PACC1: variants seen among roughly 807,000 people sequenced by gnomAD.
PACC1 encodes proton activated chloride channel 1, also known as proton-activated chloride channel.
In PACC1, 34 loss-of-function variants were observed where a neutral mutation model predicts 39.7. That is an observed-to-expected ratio of 0.86 (90% CI 0.65 to 1.14). The LOEUF (loss-of-function observed/expected upper bound fraction) is 1.14. Among genes scored for constraint, PACC1 ranks in the 50% most tolerant of loss-of-function variants. The pLI is 0.00. For synonymous variants in PACC1, 127 were observed against 160.6 expected, an observed-to-expected ratio of 0.79 and a Z score of 1.58; for missense variants, 379 against 436.4, an observed-to-expected ratio of 0.87 and a Z score of 1.17.
At chr1:212,394,219 C>T (rs1018577836) in intron 2 of PACC1, among the ~76,000 whole-genome samples, 1 of 152,196 alleles carries the variant, frequency 6.6e-6, no homozygotes, top group Non-Finnish European at 1.5e-5. Context: ...TCCAGCAGCA[C>T]ATCAAAAAGC....
At chr1:212,406,621 T>C (rs1558182999) in intron 2 of PACC1, among the ~76,000 whole-genome samples, 1 of 152,178 alleles carries the variant, frequency 6.6e-6, no homozygotes, top group Non-Finnish European at 1.5e-5. Flanking sequence ...ACTCCTGAGA[T>C]CTGAATCTTC....
At chr1:212,388,054 CAA>C (rs57874166) in intron 2 of PACC1, among the ~76,000 whole-genome samples, 12 of 100,540 alleles carry the variant, frequency 1.2e-4, no homozygotes, top group Non-Finnish European at 1.3e-4. Flanking sequence ...AACTCCATCT[CAA>C]AAAAAAAAAA....
At chr1:212,410,577 C>A in intron 1 of PACC1, 56 bp from the exon 2 acceptor site, 1 of 1,480,790 alleles carries the variant, frequency 6.8e-7, no homozygotes, top group Non-Finnish European at 9.4e-7. Context: ...CCTTGCTTTT[C>A]TACACTAGAA....
At chr1:212,385,524 C>A (rs1661070329) in intron 3 of PACC1, 99 bp from the exon 4 acceptor site, 3 of 1,297,344 alleles carry the variant, frequency 2.3e-6, no homozygotes, top group East Asian at 2.4e-5. Flanking sequence ...TTCTGGACTC[C>A]CTGGAGGACT....
At chr1:212,376,986 G>C (rs1193389252) in intron 6 of PACC1, 1 of 152,168 alleles carries the variant, frequency 6.6e-6, no homozygotes, top group Non-Finnish European at 1.5e-5. Context: ...ATAACACTAA[G>C]ACAATAATAG....
At position 212,372,908 on chromosome 1, in the gene PACC1, G is replaced by A. The variant is rs556821236; in HGVS notation, c.891+2285C>T. Among the ~76,000 whole-genome samples the A allele has an allele frequency of 1.4e-4, 22 of 152,196 alleles. No individual in the cohort carries two copies. In the South Asian group the frequency reaches 4.6e-3, roughly 32 times the overall value. Reference sequence around the variant, plus strand: ...ATATCCTATGGTTCATGGATTGGAAGAACTAGCATAATGTCCACACTACCC... The same window carrying A: ...ATATCCTATGGTTCATGGATTGGAAAAACTAGCATAATGTCCACACTACCC... On this transcript the variant is annotated intron_variant, in intron 7 of 7. Coordinates refer to ENST00000261455, the MANE Select transcript of PACC1 (RefSeq NM_018252.3).
intron 7 of PACC1, among the ~76,000 whole-genome samples, chr1:212,371,015 A>C (rs1056831197): frequency 1.3e-5 from 2 of 152,168 alleles, no homozygotes; most frequent in East Asian, 3.8e-4. Context: ...TGGGAGGCTG[A>C]GGCCGGCAGA....
intron 4 of PACC1, among the ~76,000 whole-genome samples, chr1:212,381,001 AAG>A (rs1452094442): frequency 6.6e-6 from 1 of 152,254 alleles, no homozygotes; most frequent in Non-Finnish European, 1.5e-5. Flanking sequence ...AGATTTGAAA[AAG>A]AGTGAGTACA....
intron 4 of PACC1, among the ~76,000 whole-genome samples, chr1:212,381,188 G>A (rs1660865758): frequency 6.6e-6 from 1 of 152,086 alleles, no homozygotes; most frequent in Non-Finnish European, 1.5e-5. Context: ...TACTTCTAAC[G>A]GGTTTTGCTT....
intron 1 of PACC1, among the ~76,000 whole-genome samples, chr1:212,412,980 A>G (rs1662191425): frequency 6.6e-6 from 1 of 152,232 alleles, no homozygotes; most frequent in Admixed American, 6.5e-5. Context: ...TGACTCAATA[A>G]AAGTCACACA....
In PACC1 at chr1:212,377,777, G is replaced by GC. The variant is rs368756540; in HGVS notation, c.639-72dup. ...GGCAGCAGGAGTCGAAGCCCCCACT[G>GC]CAAGCTGGTTTCTTTGCTGGCACAA... On this transcript the variant is annotated intron_variant, in intron 5 of 7. Coordinates refer to ENST00000261455, the MANE Select transcript of PACC1 (RefSeq NM_018252.3). 3.0e-5 allele frequency: 46 copies of GC among 1,559,174 alleles called. No individual in the cohort carries two copies. In the East Asian group the frequency reaches 1.0e-3, roughly 35 times the overall value.
Position 212,386,452 on chromosome 1 carries a change from C to T in PACC1, c.343+439G>A, listed in dbSNP as rs1239712974. On this transcript the variant is annotated intron_variant, in intron 3 of 7. Transcript: ENST00000261455. The surrounding 1 kb of genome is among the most constrained non-coding windows in gnomAD (Gnocchi z 5.0). ...GGCCTCGCCTCCCCTGCCATCCTCCCCACCCCACAGTCCAGCCTTGACTCC... is the reference window on the plus strand; with the variant it reads ...GGCCTCGCCTCCCCTGCCATCCTCCTCACCCCACAGTCCAGCCTTGACTCC... 6.6e-6 allele frequency among the ~76,000 whole-genome samples: 1 copy of T among 152,086 alleles called. No homozygotes were observed. The highest frequency in any genetic ancestry group is 1.5e-5 in the Non-Finnish European group (1 of 67,986).
chr1:212,384,108 T>C (rs1333464154), intron 4 of PACC1, among the ~76,000 whole-genome samples: 3 of 152,184 alleles, frequency 2.0e-5, no homozygotes, highest in Non-Finnish European at 4.4e-5. Flanking sequence ...TGCTCTAATT[T>C]GTTTGCTCCA....
At position 212,386,589 on chromosome 1, in the gene PACC1, A is replaced by G. The variant is rs1661107850; in HGVS notation, c.343+302T>C. ...CGCTCTGCTGATCCCCATCCCAAAG[A>G]CACTCTCTTCCCATCTATGTGCTTT... On this transcript the variant is annotated intron_variant, in intron 3 of 7. Coordinates refer to ENST00000261455, the MANE Select transcript of PACC1 (RefSeq NM_018252.3). This position sits in a 1 kb window ranked among gnomAD's most constrained non-coding sequence, Gnocchi z 5.0. Among the ~76,000 whole-genome samples the G allele has an allele frequency of 6.6e-6, 1 of 151,864 alleles. No homozygotes were observed. Among genetic ancestry groups the G allele is most frequent in the East Asian group, 1.9e-4 (1 of 5,170 alleles).
At chr1:212,383,488 G>T (rs975760540) in intron 4 of PACC1, among the ~76,000 whole-genome samples, 3 of 152,122 alleles carry the variant, frequency 2.0e-5, no homozygotes, top group African/African-American at 4.8e-5. Context: ...ACTCCACATT[G>T]GAATTGTTTA....
intron 2 of PACC1, among the ~76,000 whole-genome samples, chr1:212,395,674 T>G (rs1209219363): frequency 1.3e-5 from 2 of 152,100 alleles, no homozygotes; most frequent in African/African-American, 4.8e-5. Context: ...GAGAAAATTT[T>G]TGCAATCTAC....
chr1:212,387,700 C>A (rs1390170887), intron 2 of PACC1: 2 of 152,950 alleles, frequency 1.3e-5, no homozygotes, highest in African/African-American at 4.8e-5. Flanking sequence ...CATCTGGCTT[C>A]CAACAGTGAC....
intron 2 of PACC1, among the ~76,000 whole-genome samples, chr1:212,394,470 G>A (rs1571664536): frequency 6.6e-6 from 1 of 152,174 alleles, no homozygotes; most frequent in African/African-American, 2.4e-5. Flanking sequence ...CAAACCTACA[G>A]CCAATATCAT....
At chr1:212,366,670 C>T (rs1240132310) in intron 7 of PACC1, among the ~76,000 whole-genome samples, 4 of 152,196 alleles carry the variant, frequency 2.6e-5, no homozygotes, top group Non-Finnish European at 5.9e-5. Flanking sequence ...CTGAGTAAAG[C>T]ATGCCTCGGG....
Sources: gnomAD v4.1 joint callset for allele counts (sites outside exome capture counted in the v4.1 genomes callset) on GRCh38, gnomAD v4.1.1 for gene constraint, Gnocchi (gnomAD v3.1) non-coding constraint, MANE v1.5 for transcripts, NCBI Gene and HGNC (gene_info 2026-07-23, HGNC 2026-07-21) for gene names.